GUCD1: variants seen among roughly 807,000 people sequenced by gnomAD.
The protein encoded by GUCD1 is guanylyl cyclase domain containing 1, also known as protein GUCD1.
A neutral mutation model predicts 28.3 loss-of-function variants in GUCD1; 17 were observed. That is an observed-to-expected ratio of 0.60 (90% CI 0.41 to 0.90). The LOEUF (loss-of-function observed/expected upper bound fraction) is 0.90, where lower values mean the gene tolerates loss of function less well. Among genes scored for constraint, GUCD1 ranks in the 40% least tolerant of loss-of-function variants. GUCD1 has a pLI of 0.00. For synonymous variants in GUCD1, 129 were observed against 123.3 expected (o/e 1.05, Z -0.30); for missense variants, 279 against 305.5 (o/e 0.91, Z 0.65).
At chr22:24,547,286 G>A in intron 3 of GUCD1, 1 of 421,684 alleles carries the variant, frequency 2.4e-6, no homozygotes, top group Non-Finnish European at 4.4e-6. Context: ...GATCACCCTT[G>A]GGCTTGTACA....
In GUCD1 at chr22:24,555,000, C is replaced by A. The variant is rs1195528657; in HGVS notation, c.-9G>T. The stretch of plus-strand genomic sequence containing the variant: ...TCCGCCTCCGTCCTCATGACCCGGG[C>A]GGCGCGGGGCGCCCATGGCCCCGGC... On this transcript the variant is annotated 5_prime_UTR_variant, in exon 1 of 6. Coordinates refer to ENST00000435822, the MANE Select transcript of GUCD1 (RefSeq NM_001284254.2). The A allele has an allele frequency of 6.6e-7, 1 of 1,510,258 alleles. No individual in the cohort carries two copies. The highest frequency in any genetic ancestry group is 1.3e-5 in the South Asian group (1 of 79,252). 93.6% of individuals were successfully genotyped at this position (1,510,258 alleles called of 1,614,324 possible). A position where few individuals can be genotyped will look rare whatever the true frequency, so the allele number is the denominator to read the frequency against.
At chr22:24,548,117 C>A in intron 2 of GUCD1, 44 bp from the exon 3 acceptor site, 1 of 1,567,284 alleles carries the variant, frequency 6.4e-7, no homozygotes, top group South Asian at 1.1e-5. Context: ...TCTTGAGGGT[C>A]AACTGGTCTG....
chr22:24,544,077 C>CA lies in GUCD1; in HGVS notation c.392dup (p.Ser132GlufsTer27), dbSNP rs753305605. ...GGTGCGCCTGGATGTCCTTCACACT[C>CA]ACTGTGCTGTGGGCGGGAGGGGGGT... On this transcript the variant is annotated frameshift_variant, in exon 5 of 6. Transcript: ENST00000435822. LOFTEE classifies it high-confidence loss of function. The CA allele has an allele frequency of 6.2e-7, 1 of 1,609,908 alleles. No homozygotes were observed. The highest frequency in any genetic ancestry group is 8.5e-7 in the Non-Finnish European group (1 of 1,176,896).
chr22:24,555,436 C>G, upstream of GUCD1: 1 of 1,160,488 alleles, frequency 8.6e-7, no homozygotes, highest in Non-Finnish European at 1.2e-6. Flanking sequence ...CCGCCTCTGC[C>G]GGGTCCCGCT....
chr22:24,554,992 G>A lies in GUCD1; in HGVS notation c.-1C>T. On this transcript the variant is annotated 5_prime_UTR_variant, in exon 1 of 6. Transcript: ENST00000435822. ...CCGCTGCCTCCGCCTCCGTCCTCAT[G>A]ACCCGGGCGGCGCGGGGCGCCCATG... The A allele has an allele frequency of 5.2e-6, 8 of 1,528,000 alleles. No homozygotes were observed. The highest frequency in any genetic ancestry group is 7.0e-6 in the Non-Finnish European group (8 of 1,143,980). 94.7% of individuals were successfully genotyped at this position (1,528,000 alleles called of 1,614,324 possible). A position where few individuals can be genotyped will look rare whatever the true frequency, so the allele number is the denominator to read the frequency against.
chr22:24,548,326 C>A (rs1007510033), intron 2 of GUCD1, among the ~76,000 whole-genome samples: 1 of 152,252 alleles, frequency 6.6e-6, no homozygotes, highest in Non-Finnish European at 1.5e-5. Context: ...TTGAGCAAGT[C>A]ATTGTCTTCT....
upstream of GUCD1, chr22:24,555,139 G>GGGCCGCCCCAAGCGCCGCCCC: frequency 2.3e-6 from 3 of 1,305,810 alleles, no homozygotes; most frequent in Non-Finnish European, 2.9e-6. Flanking sequence ...GGCGGCGGCT[G>GGGCCGCCCCAAGCGCCGCCCC]GGCCGCCCCA....
upstream of GUCD1, chr22:24,555,803 C>G (rs1336432119): frequency 7.1e-6 from 11 of 1,548,174 alleles, no homozygotes; most frequent in Non-Finnish European, 9.6e-6. Context: ...AGGGTCGTTG[C>G]GGCGGCCCCC....
At chr22:24,547,855 C>A in intron 3 of GUCD1, 53 bp downstream of exon 3, 1 of 1,594,674 alleles carries the variant, frequency 6.3e-7, no homozygotes, top group Admixed American at 1.7e-5. Flanking sequence ...AACCAGGTGG[C>A]CTTATACCTC....
intron 2 of GUCD1, 101 bp from the exon 3 acceptor site, chr22:24,548,174 TC>T: frequency 1.1e-6 from 1 of 943,216 alleles, no homozygotes; most frequent in Non-Finnish European, 1.6e-6. Flanking sequence ...CAGGTCCCAT[TC>T]CCCAGAAGTC....
chr22:24,551,562 C>A (rs1432216829), intron 1 of GUCD1, among the ~76,000 whole-genome samples: 1 of 152,238 alleles, frequency 6.6e-6, no homozygotes, highest in African/African-American at 2.4e-5. Flanking sequence ...TACCCCAAGG[C>A]ATCTGCACGT....
chr22:24,554,926 T>TGG lies in GUCD1; in HGVS notation c.43+21_43+22dup, dbSNP rs748057415. On this transcript the variant is annotated intron_variant, in intron 1 of 5. Coordinates refer to ENST00000435822, the MANE Select transcript of GUCD1 (RefSeq NM_001284254.2). ...TCCCTTTCGTTCCTAGGGTGAAGAC[T>TGG]GGGCCCACAGAGAGGCACTGACCGG... 1.9e-6 allele frequency: 3 copies of TGG among 1,546,640 alleles called. No homozygotes were observed. In the Admixed American group the frequency reaches 5.2e-5, roughly 27 times the overall value.
Position 24,544,074 on chromosome 22 carries a change from A to T in GUCD1, c.396T>A (p.Ser132Arg). 1 of 1,609,958 alleles carries T rather than the reference A, an allele frequency of 6.2e-7. No individual in the cohort carries two copies. Among genetic ancestry groups the T allele is most frequent in the East Asian group, 2.2e-5 (1 of 44,848 alleles). Residue 132 changes from serine (S) to arginine (R), a missense_variant, in exon 5 of 6, where the codon AGT becomes AGA. Ser to Arg is a moderately radical substitution (Grantham distance 110). Coordinates refer to ENST00000435822, the MANE Select transcript of GUCD1 (RefSeq NM_001284254.2). ...CKVLVEKCTV[S>R]VKDIQAHLAQ... Reference sequence around the variant, plus strand: ...CCAGGTGCGCCTGGATGTCCTTCACACTCACTGTGCTGTGGGCGGGAGGGG... The same window carrying T: ...CCAGGTGCGCCTGGATGTCCTTCACTCTCACTGTGCTGTGGGCGGGAGGGG...
chr22:24,554,942 C>T lies in GUCD1; in HGVS notation c.43+7G>A. The stretch of plus-strand genomic sequence containing the variant: ...GGTGAAGACTGGGCCCACAGAGAGG[C>T]ACTGACCGGGCTCGAGCGGCGGCCC... On this transcript the variant is annotated splice_region_variant and intron_variant, in intron 1 of 5. Transcript: ENST00000435822. 1 of 1,576,040 alleles carries T rather than the reference C, an allele frequency of 6.3e-7. No individual in the cohort carries two copies. The highest frequency in any genetic ancestry group is 1.4e-5 in the African/African-American group (1 of 71,286).
intron 1 of GUCD1, among the ~76,000 whole-genome samples, chr22:24,554,591 CGCCGAGTCTCGGAG>C (rs1252965839): frequency 6.6e-6 from 1 of 152,260 alleles, no homozygotes; most frequent in Non-Finnish European, 1.5e-5. Context: ...CAAGACAAAA[CGCCGAGTCTCGGAG>C]GCCAGGGCAC....
At chr22:24,555,273 G>A (rs539691995), upstream of GUCD1, 369 of 1,336,730 alleles carry the variant, frequency 2.8e-4, 2 homozygotes, top group African/African-American at 5.2e-3. Flanking sequence ...GCCATTCGCC[G>A]CCTCAGCGTT....
At chr22:24,546,587 G>A (rs572653842) in intron 4 of GUCD1, among the ~76,000 whole-genome samples, 3 of 152,242 alleles carry the variant, frequency 2.0e-5, no homozygotes, top group Non-Finnish European at 4.4e-5. Context: ...TTAGGCCATC[G>A]CCCTTTCATT....
In GUCD1 at chr22:24,555,101, C is replaced by T; in HGVS notation, c.-110G>A. Reference sequence around the variant, plus strand: ...GCGTGTCGAGTTCCTTCTCCGCCACCGCCGCCGCTGCGGAGGAGAGAACGG... The same window carrying T: ...GCGTGTCGAGTTCCTTCTCCGCCACTGCCGCCGCTGCGGAGGAGAGAACGG... On this transcript the variant is annotated 5_prime_UTR_variant, in exon 1 of 6. Coordinates refer to ENST00000435822, the MANE Select transcript of GUCD1 (RefSeq NM_001284254.2). 1 of 1,308,524 alleles carries T rather than the reference C, an allele frequency of 7.6e-7. No homozygotes were observed. The highest frequency in any genetic ancestry group is 9.7e-7 in the Non-Finnish European group (1 of 1,026,494). The allele number at this position is 1,308,524 out of a possible 1,614,324, so 81.1% of individuals were successfully genotyped here.
chr22:24,541,917 AAACTT>A lies in GUCD1; in HGVS notation c.*1084_*1088del, dbSNP rs1466656944. Reference sequence around the variant, plus strand: ...GAAGGTGATTACCCCTCAAAAATGAAAACTTAAATCTCAAAGAAACAACCCCTGAC... The same window carrying A: ...GAAGGTGATTACCCCTCAAAAATGAAAAATCTCAAAGAAACAACCCCTGAC... On this transcript the variant is annotated 3_prime_UTR_variant, in exon 6 of 6. Transcript: ENST00000435822. 1 of 152,254 alleles carries A rather than the reference AAACTT, an allele frequency of 6.6e-6. No homozygotes were observed. Among genetic ancestry groups the A allele is most frequent in the Non-Finnish European group, 1.5e-5 (1 of 68,058 alleles). 9.4% of individuals were successfully genotyped at this position (152,254 alleles called of 1,614,324 possible).
Sources: gnomAD v4.1 joint callset for allele counts (sites outside exome capture counted in the v4.1 genomes callset) on GRCh38, gnomAD v4.1.1 for gene constraint, MANE v1.5 for transcripts, NCBI Gene and HGNC (gene_info 2026-07-23, HGNC 2026-07-21) for gene names.